The following SOX5 variants were observed in gnomAD, a reference collection of about 807,000 sequenced individuals.
SOX5 encodes the protein SRY-box transcription factor 5.
SOX5 carries 9 observed loss-of-function variants against 92.0 expected under a neutral mutation model. The observed-to-expected ratio is 0.10, with a 90% CI of 0.06 to 0.17. The LOEUF is 0.17. Ranked by LOEUF, SOX5 falls within the 10% of genes least tolerant of loss-of-function variation. The pLI is 1.00. For missense variants in SOX5, 642 were observed against 944.5 expected, an observed-to-expected ratio of 0.68 and a Z score of 4.20; for synonymous variants, 344 against 336.3, an observed-to-expected ratio of 1.02 and a Z score of -0.25.
intron 4 of SOX5, among the ~76,000 whole-genome samples, chr12:24,175,773 A>G (rs1179908073): frequency 1.3e-5 from 2 of 152,236 alleles, no homozygotes; most frequent in Admixed American, 6.5e-5. Flanking sequence ...TATGGACTGT[A>G]AGATACATCA....
chr12:23,796,521 C>A (rs953375603), intron 3 of SOX5, among the ~76,000 whole-genome samples: 2 of 151,928 alleles, frequency 1.3e-5, no homozygotes, highest in Admixed American at 6.6e-5. Flanking sequence ...GTAGAACAAG[C>A]AGGCACCAAA....
intron 4 of SOX5, among the ~76,000 whole-genome samples, chr12:23,958,988 T>C (rs1318616742): frequency 1.3e-5 from 2 of 151,896 alleles, no homozygotes; most frequent in Non-Finnish European, 2.9e-5. Flanking sequence ...ATATCTATGA[T>C]GAACTCATTC....
At chr12:23,845,127 C>T (rs777886735) in intron 3 of SOX5, among the ~76,000 whole-genome samples, 3 of 152,182 alleles carry the variant, frequency 2.0e-5, no homozygotes, top group Non-Finnish European at 4.4e-5. Context: ...ATGAGCCCAA[C>T]TTATTGTTAC....
At chr12:23,830,745 C>T (rs2096303426) in intron 3 of SOX5, among the ~76,000 whole-genome samples, 1 of 152,028 alleles carries the variant, frequency 6.6e-6, no homozygotes, top group African/African-American at 2.4e-5. Context: ...CATAATTTCC[C>T]CATAAAAATA....
intron 3 of SOX5, among the ~76,000 whole-genome samples, chr12:24,269,688 CT>C (rs58098308): frequency 0.078 from 9,039 of 116,580 alleles, 431 homozygotes; most frequent in African/African-American, 0.2. Context: ...TATTTTTATT[CT>C]TTTTTTTTTT....
At chr12:24,181,560 A>G (rs1955499995) in intron 4 of SOX5, among the ~76,000 whole-genome samples, 1 of 152,120 alleles carries the variant, frequency 6.6e-6, no homozygotes, top group Non-Finnish European at 1.5e-5. Flanking sequence ...TTGGGTCTCA[A>G]TTTCCTCCTA....
intron 4 of SOX5, among the ~76,000 whole-genome samples, chr12:24,110,545 T>A (rs1158423943): frequency 6.6e-6 from 1 of 152,036 alleles, no homozygotes; most frequent in East Asian, 1.9e-4. Flanking sequence ...CTGTAAGGAA[T>A]GTATTAGAAG....
At chr12:23,837,334 G>A (rs1293216321) in intron 3 of SOX5, among the ~76,000 whole-genome samples, 1 of 62,142 alleles carries the variant, frequency 1.6e-5, no homozygotes, top group East Asian at 6.7e-4. Flanking sequence ...TAATATATAA[G>A]ATATATTTAT....
chr12:24,156,942 G>T (rs1184593248), intron 4 of SOX5, among the ~76,000 whole-genome samples: 1 of 152,062 alleles, frequency 6.6e-6, no homozygotes, highest in African/African-American at 2.4e-5. Context: ...CAAATTATCT[G>T]CAGTGTTCCA....
intron 2 of SOX5, among the ~76,000 whole-genome samples, chr12:23,872,818 C>T (rs1245347523): frequency 6.6e-6 from 1 of 152,202 alleles, no homozygotes. Context: ...TGGAGAACTA[C>T]GCAAGAAAAG....
At chr12:23,883,495 G>A (rs908487919) in intron 2 of SOX5, among the ~76,000 whole-genome samples, 1 of 152,140 alleles carries the variant, frequency 6.6e-6, no homozygotes, top group African/African-American at 2.4e-5. Flanking sequence ...TTCAGTGCTC[G>A]CTATGTGCCA....
At chr12:24,196,019 G>C (rs1462029495) in intron 4 of SOX5, among the ~76,000 whole-genome samples, 1 of 152,148 alleles carries the variant, frequency 6.6e-6, no homozygotes, top group Non-Finnish European at 1.5e-5. Flanking sequence ...GGAGTAGCTG[G>C]AATCACATAC....
intron 4 of SOX5, among the ~76,000 whole-genome samples, chr12:23,751,913 C>G (rs1449959876): frequency 6.6e-6 from 1 of 151,378 alleles, no homozygotes; most frequent in Admixed American, 6.6e-5. Context: ...ATCAGAGATT[C>G]TAAGGGGAAA....
intron 1 of SOX5, among the ~76,000 whole-genome samples, chr12:24,552,290 A>C (rs892797918): frequency 1.1e-4 from 16 of 152,228 alleles, no homozygotes; most frequent in African/African-American, 3.9e-4. Flanking sequence ...TGAGCATCTT[A>C]CTTAAATTCC....
At position 23,704,715 on chromosome 12, in the gene SOX5, T is replaced by TATATATATAC. The variant is rs1434949526; in HGVS notation, c.810+29968_810+29969insGTATATATAT. Among the ~76,000 whole-genome samples the TATATATATAC allele has an allele frequency of 1.9e-3, 209 of 108,354 alleles. 1 individual carries two copies. Among genetic ancestry groups the TATATATATAC allele is most frequent in the African/African-American group, 6.4e-3 (199 of 31,004 alleles). The allele number at this position is 108,354 out of a possible 152,430, so 71.1% of individuals were successfully genotyped here. A position where few individuals can be genotyped will look rare whatever the true frequency, so the allele number is the denominator to read the frequency against. ...ATATATATATATATATATATATATA[T>TATATATATAC]ACACACACACACACACATACACACA... On this transcript the variant is annotated intron_variant, in intron 6 of 14. Transcript: ENST00000451604.
chr12:24,368,520 A>C (rs1335980373), intron 2 of SOX5: 1 of 152,220 alleles, frequency 6.6e-6, no homozygotes, highest in Non-Finnish European at 1.5e-5. Flanking sequence ...ACTGCTTAAC[A>C]CAAGCATCAT....
chr12:24,326,414 CA>C (rs1327355794), intron 2 of SOX5, among the ~76,000 whole-genome samples: 1 of 151,368 alleles, frequency 6.6e-6, no homozygotes, highest in African/African-American at 2.4e-5. Flanking sequence ...GTACCCTTAA[CA>C]AACCTTTATG....
In SOX5 at chr12:24,081,245, G is replaced by A. The variant is rs563013455; in HGVS notation, c.-2+132098C>T. Among the ~76,000 whole-genome samples, 11 of 151,978 alleles carry A rather than the reference G, an allele frequency of 7.2e-5. No homozygotes were observed. In the South Asian group the frequency reaches 2.3e-3, roughly 32 times the overall value. ...ATTTCATCACTCCTTGCAAAAAAAT[G>A]CAAAACGTCTGCTAAAATCTGACTT... On this transcript the variant is annotated intron_variant, in intron 4 of 4. Transcript: ENST00000446891.
intron 3 of SOX5, among the ~76,000 whole-genome samples, chr12:24,237,105 A>G (rs1196233063): frequency 6.6e-6 from 1 of 152,228 alleles, no homozygotes; most frequent in African/African-American, 2.4e-5. Context: ...AACTCCCAGC[A>G]GCTTACGTAT....
Sources: gnomAD v4.1 joint callset for allele counts (sites outside exome capture counted in the v4.1 genomes callset) on GRCh38, gnomAD v4.1.1 for gene constraint, MANE v1.5 for transcripts, NCBI Gene and HGNC (gene_info 2026-07-23, HGNC 2026-07-21) for gene names.